Variants in CHD2 observed in about 807,000 individuals in gnomAD.
CHD2 encodes chromodomain helicase DNA binding protein 2.
A neutral mutation model predicts 243.9 loss-of-function variants in CHD2; 28 were observed. The observed-to-expected ratio is 0.11, with a 90% CI of 0.09 to 0.16. CHD2 has a LOEUF of 0.16. CHD2 is among the 10% of genes least tolerant of loss of function. The pLI is 1.00. For missense variants in CHD2, 1,386 were observed against 2,209.8 expected, an observed-to-expected ratio of 0.63 and a Z score of 7.47; for synonymous variants, 775 against 779.0, an observed-to-expected ratio of 0.99 and a Z score of 0.09.
chr15:92,963,418 C>T (rs1369043647), intron 16 of CHD2, among the ~76,000 whole-genome samples: 1 of 152,148 alleles, frequency 6.6e-6, no homozygotes, highest in African/African-American at 2.4e-5. Context: ...TAAAATAGGG[C>T]AACTTTGCCC....
At chr15:92,913,986 T>C (rs531168787) in intron 2 of CHD2, among the ~76,000 whole-genome samples, 9 of 152,392 alleles carry the variant, frequency 5.9e-5, no homozygotes, top group Non-Finnish European at 1.2e-4. Flanking sequence ...CATGACGTTA[T>C]GGGCATACGT....
intron 37 of CHD2, among the ~76,000 whole-genome samples, chr15:93,016,793 A>AAAAAAAAAAT (rs2054467001): frequency 6.6e-6 from 1 of 151,500 alleles, no homozygotes; most frequent in Non-Finnish European, 1.5e-5. Flanking sequence ...AAAAAAAAAA[A>AAAAAAAAAAT]ATTGCAGTTT....
At chr15:92,905,122 A>G (rs942588840) in intron 2 of CHD2, 7 of 857,662 alleles carry the variant, frequency 8.2e-6, no homozygotes, top group Non-Finnish European at 1.2e-5. Flanking sequence ...GCGTTAGGCA[A>G]CCATTACTAT....
At chr15:92,980,614 T>C (rs145016537) in intron 22 of CHD2, among the ~76,000 whole-genome samples, 1 of 152,356 alleles carries the variant, frequency 6.6e-6, no homozygotes, top group Non-Finnish European at 1.5e-5. Flanking sequence ...CTGTAACTAA[T>C]TTTCTATTCT....
At chr15:92,945,379 TC>T (rs2053446792) in intron 10 of CHD2, 1 of 139,424 alleles carries the variant, frequency 7.2e-6, no homozygotes. Context: ...AGAATTTTTT[TC>T]TTCTTCTTCT....
chr15:92,905,042 T>C (rs2052594185), intron 2 of CHD2: 6 of 1,505,878 alleles, frequency 4.0e-6, no homozygotes, highest in Admixed American at 4.1e-5. Flanking sequence ...TATTTAAGAT[T>C]CACAGTGGGA....
intron 38 of CHD2, chr15:93,021,471 T>C (rs1041185499): frequency 2.0e-5 from 3 of 152,164 alleles, no homozygotes; most frequent in Non-Finnish European, 4.4e-5. Flanking sequence ...CACTCTCTCT[T>C]CTTCTTTGGA....
intron 37 of CHD2, among the ~76,000 whole-genome samples, chr15:93,019,779 C>G (rs1266512072): frequency 2.6e-5 from 4 of 151,972 alleles, no homozygotes; most frequent in Non-Finnish European, 4.4e-5. Context: ...ACTAAAAATT[C>G]AAAAATTGGG....
At chr15:92,983,092 G>A (rs537072673) in intron 24 of CHD2, among the ~76,000 whole-genome samples, 1 of 152,058 alleles carries the variant, frequency 6.6e-6, no homozygotes, top group African/African-American at 2.4e-5. Flanking sequence ...CCTTTTATAA[G>A]GGCAGTAATC....
At chr15:92,952,838 C>T (rs2053571064) in intron 13 of CHD2, among the ~76,000 whole-genome samples, 1 of 152,194 alleles carries the variant, frequency 6.6e-6, no homozygotes, top group Non-Finnish European at 1.5e-5. Flanking sequence ...GATCTGTAGC[C>T]TACCCCTGCT....
intron 17 of CHD2, 43 bp from the exon 18 acceptor site, chr15:92,971,722 G>A: frequency 6.4e-7 from 1 of 1,561,072 alleles, no homozygotes; most frequent in Non-Finnish European, 8.7e-7. Flanking sequence ...ACAACTTTCT[G>A]TTTTTTTGTA....
chr15:93,016,279 C>G (rs1189863051), intron 37 of CHD2, among the ~76,000 whole-genome samples: 6 of 152,256 alleles, frequency 3.9e-5, no homozygotes, highest in South Asian at 4.1e-4. Context: ...TGCATATTCT[C>G]ACTTACGTAT....
rs78379129 is a variant in CHD2, at chr15:93,009,006, G to A, written c.4414-139G>A. On this transcript the variant is annotated intron_variant, in intron 34 of 38. Transcript: ENST00000394196. Reference sequence around the variant, plus strand: ...CTTGAATACTTACACTTACTCCACTGCACTAGCTTTACCCACTCTTCCTCT... The same window carrying A: ...CTTGAATACTTACACTTACTCCACTACACTAGCTTTACCCACTCTTCCTCT... 566 of 906,860 alleles carry A rather than the reference G, an allele frequency of 6.2e-4. 4 individuals carry two copies. The African/African-American group carries it at 8.5e-3, about 14-fold the overall frequency. The allele number at this position is 906,860 out of a possible 1,614,324, so 56.2% of individuals were successfully genotyped here.
intron 2 of CHD2, among the ~76,000 whole-genome samples, chr15:92,918,848 T>G (rs1283801444): frequency 1.3e-5 from 2 of 151,286 alleles, no homozygotes; most frequent in Admixed American, 6.6e-5. Flanking sequence ...CACACATATA[T>G]ATACATACAT....
At chr15:92,979,375 C>T in intron 22 of CHD2, 92 bp downstream of exon 22, 2 of 1,443,104 alleles carry the variant, frequency 1.4e-6, no homozygotes, top group Non-Finnish European at 1.9e-6. Flanking sequence ...AGACATTAGT[C>T]TGTTCATTAC....
chr15:92,987,778 TTTTG>T (rs375020852), intron 26 of CHD2, among the ~76,000 whole-genome samples: 91 of 152,240 alleles, frequency 6.0e-4, no homozygotes, highest in South Asian at 1.2e-3. Context: ...GTCATGTTTT[TTTTG>T]TTTATTTCCC....
intron 9 of CHD2, chr15:92,943,337 A>G: frequency 4.9e-6 from 2 of 411,450 alleles, no homozygotes; most frequent in South Asian, 2.3e-5. Context: ...TGAGATTTGT[A>G]CTGTTATTAC....
intron 20 of CHD2, among the ~76,000 whole-genome samples, chr15:92,975,688 TAGAAC>T (rs1019836234): frequency 1.3e-5 from 2 of 150,890 alleles, no homozygotes; most frequent in Non-Finnish European, 1.5e-5. Flanking sequence ...TTTAAACAGA[TAGAAC>T]AGACTTAGCT....
rs2141868862 is a variant in CHD2, at chr15:92,998,510, G to T, written c.3897G>T (p.Val1299=). The stretch of plus-strand genomic sequence containing the variant: ...CTTTCTTGTTGAAGATTCTGCCGGT[G>T]GAGACAGATAAAAAGCCTCAGGGGA... ...ELKLTDKILP[V]ETDKKPQGKQ... Residue 1299 remains valine (V), a synonymous_variant, in exon 31 of 39, where the codon GTG becomes GTT. Transcript: ENST00000394196. This position sits in a 1 kb window ranked among gnomAD's most constrained non-coding sequence, Gnocchi z 5.1. The T allele has an allele frequency of 1.2e-6, 2 of 1,613,978 alleles. No homozygotes were observed. The highest frequency in any genetic ancestry group is 1.7e-6 in the Non-Finnish European group (2 of 1,179,964).
Sources: gnomAD v4.1 joint callset for allele counts (sites outside exome capture counted in the v4.1 genomes callset) on GRCh38, gnomAD v4.1.1 for gene constraint, Gnocchi (gnomAD v3.1) non-coding constraint, MANE v1.5 for transcripts, NCBI Gene and HGNC (gene_info 2026-07-23, HGNC 2026-07-21) for gene names.